Variants in KLHL41 observed in about 807,000 individuals in gnomAD.
KLHL41 encodes kelch-like protein 41.
A neutral mutation model predicts 49.2 loss-of-function variants in KLHL41; 31 were observed. That is an observed-to-expected ratio of 0.63 (90% confidence interval 0.47 to 0.85). The LOEUF (loss-of-function observed/expected upper bound fraction) is 0.85. Among genes scored for constraint, KLHL41 ranks in the 40% least tolerant of loss-of-function variants. The pLI is 0.00. For missense variants in KLHL41, 663 were observed against 726.7 expected, an observed-to-expected ratio of 0.91 and a Z score of 1.01; for synonymous variants, 218 against 258.5, an observed-to-expected ratio of 0.84 and a Z score of 1.50.
chr2:169,509,985 GA>G lies in KLHL41; in HGVS notation c.215del (p.Lys72ArgfsTer3), dbSNP rs775513051. ...ACTTTTTATCTGAAATTGATGAGGC[GA>G]AAAAAAAGGAGGTAGTGCTAGACAA... ...EYFLSEIDEA[K>X]KKEVVLDNVD... On this transcript the variant is annotated frameshift_variant, in exon 1 of 6. Transcript: ENST00000284669. LOFTEE classifies it high-confidence loss of function. The G allele has an allele frequency of 6.2e-7, 1 of 1,610,204 alleles. No individual in the cohort carries two copies. The highest frequency in any genetic ancestry group is 8.5e-7 in the Non-Finnish European group (1 of 1,178,746).
intron 1 of KLHL41, 94 bp from the exon 2 acceptor site, chr2:169,514,480 G>A: frequency 1.1e-6 from 1 of 945,868 alleles, no homozygotes; most frequent in East Asian, 2.5e-5. Context: ...CTATCTCGAT[G>A]ACTTCTAAAC....
Position 169,518,042 on chromosome 2 carries a change from C to T in KLHL41, c.1377-148C>T, listed in dbSNP as rs1684141723. On this transcript the variant is annotated intron_variant, in intron 3 of 5. Coordinates refer to ENST00000284669, the MANE Select transcript of KLHL41 (RefSeq NM_006063.3). ...TTTGGTCCCCACATTTGGGCTTGTCCTTTGTTTAGTGGCATATGTTCAAAT... is the reference window on the plus strand; with the variant it reads ...TTTGGTCCCCACATTTGGGCTTGTCTTTTGTTTAGTGGCATATGTTCAAAT... 1.0e-5 allele frequency: 6 copies of T among 583,664 alleles called. No individual in the cohort carries two copies. The East Asian group carries it at 1.7e-4, about 16-fold the overall frequency. 36.2% of individuals were successfully genotyped at this position (583,664 alleles called of 1,614,324 possible). A position where few individuals can be genotyped will look rare whatever the true frequency, so the allele number is the denominator to read the frequency against.
At chr2:169,517,179 C>G (rs1398101288) in intron 3 of KLHL41, among the ~76,000 whole-genome samples, 4 of 152,218 alleles carry the variant, frequency 2.6e-5, no homozygotes, top group East Asian at 3.9e-4. Flanking sequence ...GTCTTTTACA[C>G]AATTAAGAAA....
rs1284032409 is a variant in KLHL41 at position 169,514,640 on chromosome 2, C to G, written c.1177C>G (p.Leu393Val). 6.2e-7 allele frequency: 1 copy of G among 1,613,526 alleles called. No individual in the cohort carries two copies. The highest frequency in any genetic ancestry group is 8.5e-7 in the Non-Finnish European group (1 of 1,179,740). Residue 393 changes from leucine to valine, a missense_variant, in exon 2 of 6, where the codon CTG (leucine) becomes GTG (valine). Around this residue, in one of 3 missense-constraint regions of KLHL41, gnomAD observed 528 missense variants for 581.0 expected, o/e 0.91. Coordinates refer to ENST00000284669, the MANE Select transcript of KLHL41 (RefSeq NM_006063.3). ...GCCTTCAGCCAGGTGTCTCTTCGGTCTGGGAGAGGTGGATGATAAAATCTA... is the reference window on the plus strand; with the variant it reads ...GCCTTCAGCCAGGTGTCTCTTCGGTGTGGGAGAGGTGGATGATAAAATCTA... ...PLPSARCLFGLGEVDDKIYVV... is the reference protein window; with the variant it reads ...PLPSARCLFGVGEVDDKIYVV...
intron 3 of KLHL41, among the ~76,000 whole-genome samples, chr2:169,515,376 G>T (rs895278276): frequency 6.6e-6 from 1 of 152,044 alleles, no homozygotes; most frequent in East Asian, 1.9e-4. Context: ...ATGGGACATG[G>T]TTCTCACCTA....
Position 169,525,637 on chromosome 2 carries a change from G to A in KLHL41, c.1762G>A (p.Ala588Thr). The A allele has an allele frequency of 6.2e-7, 1 of 1,613,690 alleles. No individual in the cohort carries two copies. The highest frequency in any genetic ancestry group is 8.5e-7 in the Non-Finnish European group (1 of 1,179,640). ...TGGGATGTTGAAGGAAATACGTTAT[G>A]CTTCAGGAGCTAGTTGCCTAGCAAC... The part of the protein sequence containing the change: ...WAGMLKEIRY[A>T]SGASCLATRL... Residue 588 changes from alanine to threonine, a missense_variant, in exon 6 of 6, where the codon GCT (alanine) becomes ACT (threonine). Physicochemically the swap from Ala to Thr is moderately conservative, Grantham distance 58. Coordinates refer to ENST00000284669, the MANE Select transcript of KLHL41 (RefSeq NM_006063.3).
rs1481182811 is a variant in KLHL41, at chr2:169,514,570, T to G, written c.1111-4T>G. 1 of 1,603,552 alleles carries G rather than the reference T, an allele frequency of 6.2e-7. No homozygotes were observed. The highest frequency in any genetic ancestry group is 2.2e-5 in the East Asian group (1 of 44,858). On this transcript the variant is annotated splice_region_variant and splice_polypyrimidine_tract_variant and intron_variant, in intron 1 of 5. Transcript: ENST00000284669. ...CCACAATCTCTCATATATGTTTTTT[T>G]CAGCTCGATAGCATAGCATCTGAAT...
intron 5 of KLHL41, among the ~76,000 whole-genome samples, chr2:169,525,169 T>C (rs888511710): frequency 1.4e-4 from 22 of 152,186 alleles, no homozygotes; most frequent in African/African-American, 5.1e-4. Flanking sequence ...CACTAGTGTA[T>C]AGGAACAATT....
chr2:169,516,996 G>C (rs1684125674), intron 3 of KLHL41, among the ~76,000 whole-genome samples: 1 of 151,756 alleles, frequency 6.6e-6, no homozygotes. Context: ...TGGGCAACAA[G>C]AGCGAAACTC....
At chr2:169,521,955 C>T (rs774108134) in intron 5 of KLHL41, among the ~76,000 whole-genome samples, 47 of 150,324 alleles carry the variant, frequency 3.1e-4, no homozygotes, top group African/African-American at 9.8e-4. Context: ...GAACTGAGAT[C>T]GCGCCACTGC....
At position 169,524,746 on chromosome 2, in the gene KLHL41, T is replaced by C. The variant is rs529508521; in HGVS notation, c.1710-839T>C. Among the ~76,000 whole-genome samples the C allele has an allele frequency of 1.8e-4, 28 of 152,098 alleles. No individual in the cohort carries two copies. The South Asian group carries it at 5.2e-3, about 28-fold the overall frequency. ...GTCTTGACAATTTGTGGAGAGATAT[T>C]AATATATTATTTGTCCTCAGATGCC... On this transcript the variant is annotated intron_variant, in intron 5 of 5. Transcript: ENST00000284669.
chr2:169,513,389 A>G (rs1020706484), intron 1 of KLHL41, among the ~76,000 whole-genome samples: 1 of 152,238 alleles, frequency 6.6e-6, no homozygotes, highest in African/African-American at 2.4e-5. Context: ...AAAACCCCAT[A>G]AATGTTCATT....
intron 4 of KLHL41, among the ~76,000 whole-genome samples, chr2:169,520,004 T>C (rs1163539426): frequency 6.6e-6 from 1 of 152,134 alleles, no homozygotes; most frequent in Admixed American, 6.5e-5. Flanking sequence ...CTTGAATTTT[T>C]TTTTCCCCCC....
chr2:169,511,036 C>T (rs1000717987), intron 1 of KLHL41, 148 bp downstream of exon 1: 12 of 660,006 alleles, frequency 1.8e-5, no homozygotes, highest in South Asian at 2.1e-5. Context: ...CTGTATAGAG[C>T]GTTGACAGAA....
intron 4 of KLHL41, among the ~76,000 whole-genome samples, chr2:169,520,229 C>A (rs1186334626): frequency 7.7e-6 from 1 of 129,336 alleles, no homozygotes. Flanking sequence ...ATTTTGTTGC[C>A]CAGGCTGGTC....
Position 169,510,391 on chromosome 2 carries a change from C to T in KLHL41, c.613C>T (p.Arg205Ter), listed in dbSNP as rs768277184. Residue 205 changes from arginine (R) to a stop codon, truncating the protein, a stop_gained, in exon 1 of 6, where the codon CGA becomes TGA. Coordinates refer to ENST00000284669, the MANE Select transcript of KLHL41 (RefSeq NM_006063.3). LOFTEE classifies it high-confidence loss of function. The surrounding 1 kb of genome is among the most constrained non-coding windows in gnomAD (Gnocchi z 4.2). ...ATTTGAGGCAGTGATGAAATGGGTG[C>T]GAACAGACAAGGAAAACAGGGTTAA... ...AVFEAVMKWVRTDKENRVKNL... is the reference protein window; with the variant it reads ...AVFEAVMKWV 9.3e-6 allele frequency: 15 copies of T among 1,613,858 alleles called. No homozygotes were observed. The highest frequency in any genetic ancestry group is 1.7e-5 in the Admixed American group (1 of 59,964).
Position 169,510,238 on chromosome 2 carries a change from G to A in KLHL41, c.460G>A (p.Ala154Thr), listed in dbSNP as rs761210278. Residue 154 changes from alanine to threonine, a missense_variant, in exon 1 of 6, where the codon GCC becomes ACC. By Grantham distance (58) the Ala-to-Thr change is moderately conservative. Around this residue, in one of 3 missense-constraint regions of KLHL41, gnomAD observed 528 missense variants for 581.0 expected, o/e 0.91. Transcript: ENST00000284669. This position sits in a 1 kb window ranked among gnomAD's most constrained non-coding sequence, Gnocchi z 4.2. ...TGACTGCCCGAGACTCGCCATTTCT[G>A]CCCGTGAATTTGTGTCTGATCGCTT... ...LLDCPRLAIS[A>T]REFVSDRFVQ... 2 of 1,613,906 alleles carry A rather than the reference G, an allele frequency of 1.2e-6. No homozygotes were observed. Among genetic ancestry groups the A allele is most frequent in the East Asian group, 4.5e-5 (2 of 44,868 alleles).
At chr2:169,511,701 C>T (rs951949220) in intron 1 of KLHL41, among the ~76,000 whole-genome samples, 2 of 152,082 alleles carry the variant, frequency 1.3e-5, no homozygotes, top group Admixed American at 6.6e-5. Flanking sequence ...ACACAAAAGT[C>T]GCTAATTTGA....
chr2:169,515,520 A>G (rs891139356), intron 3 of KLHL41, among the ~76,000 whole-genome samples: 5 of 152,254 alleles, frequency 3.3e-5, no homozygotes, highest in Non-Finnish European at 7.3e-5. Flanking sequence ...CTAGGAGCAT[A>G]ATCAAGTCCT....
Sources: allele counts gnomAD v4.1 joint callset (sites outside exome capture counted in the v4.1 genomes callset), GRCh38; gene constraint gnomAD v4.1.1; regional missense constraint gnomAD v4.1.1; non-coding constraint Gnocchi (gnomAD v3.1); transcripts MANE v1.5; gene names NCBI Gene and HGNC (gene_info 2026-07-23, HGNC 2026-07-21).